Variants in OPCML observed in about 807,000 individuals in gnomAD.
OPCML encodes the protein opioid-binding protein/cell adhesion molecule.
OPCML carries 13 observed loss-of-function variants against 37.8 expected under a neutral mutation model. The observed-to-expected ratio is 0.34, with a 90% CI of 0.22 to 0.55. The LOEUF is 0.55. Among genes scored for constraint, OPCML ranks in the 20% least tolerant of loss-of-function variants. OPCML has a pLI of 0.91. For missense variants in OPCML, 341 were observed against 435.6 expected (o/e 0.78, Z 1.93); for synonymous variants, 176 against 168.8 (o/e 1.04, Z -0.33).
intron 1 of OPCML, chr11:133,418,549 T>G (rs1242915332): frequency 1.3e-6 from 1 of 778,740 alleles, no homozygotes; most frequent in African/African-American, 1.9e-5. Flanking sequence ...CATAGTTGAC[T>G]CTATCTTGCT....
chr11:133,374,368 T>C (rs1282049944), intron 1 of OPCML, among the ~76,000 whole-genome samples: 1 of 152,182 alleles, frequency 6.6e-6, no homozygotes, highest in Non-Finnish European at 1.5e-5. Flanking sequence ...CCAAGAGGCA[T>C]GAGGAAACGT....
intron 3 of OPCML, among the ~76,000 whole-genome samples, chr11:132,579,012 T>C (rs1276936147): frequency 6.6e-6 from 1 of 152,022 alleles, no homozygotes; most frequent in East Asian, 1.9e-4. Flanking sequence ...AGAAATAAAA[T>C]TAGCCATTTA....
At chr11:132,678,598 T>G (rs1223697552) in intron 2 of OPCML, among the ~76,000 whole-genome samples, 3 of 152,192 alleles carry the variant, frequency 2.0e-5, no homozygotes, top group African/African-American at 4.8e-5. Flanking sequence ...GTTGGTAACT[T>G]AAATGCATAT....
chr11:132,461,544 G>T (rs2096101775), intron 4 of OPCML, among the ~76,000 whole-genome samples: 1 of 151,944 alleles, frequency 6.6e-6, no homozygotes, highest in Non-Finnish European at 1.5e-5. Flanking sequence ...TAATACATGG[G>T]TAAACAAAAA....
At chr11:133,142,243 T>C (rs763400731) in intron 1 of OPCML, among the ~76,000 whole-genome samples, 7 of 152,214 alleles carry the variant, frequency 4.6e-5, no homozygotes, top group Non-Finnish European at 1.0e-4. Context: ...GGGTCGCAAC[T>C]CATTAATAAA....
intron 2 of OPCML, among the ~76,000 whole-genome samples, chr11:132,753,837 A>T (rs1323151748): frequency 6.6e-6 from 1 of 152,216 alleles, no homozygotes; most frequent in Non-Finnish European, 1.5e-5. Flanking sequence ...CAATGGGGGA[A>T]AATGATCCTT....
At chr11:133,401,597 C>A (rs183685032) in intron 1 of OPCML, among the ~76,000 whole-genome samples, 4 of 152,042 alleles carry the variant, frequency 2.6e-5, no homozygotes, top group African/African-American at 7.2e-5. Context: ...TAATAATATT[C>A]TTTACATAAG....
At chr11:132,921,512 T>C (rs547552852) in intron 2 of OPCML, among the ~76,000 whole-genome samples, 14 of 152,290 alleles carry the variant, frequency 9.2e-5, no homozygotes, top group Non-Finnish European at 1.6e-4. Context: ...CAACTGCAAT[T>C]TCTCACTAAT....
chr11:132,712,191 G>A (rs1013092696), intron 2 of OPCML, among the ~76,000 whole-genome samples: 1 of 152,148 alleles, frequency 6.6e-6, no homozygotes, highest in Non-Finnish European at 1.5e-5. Flanking sequence ...GTCGGCAATT[G>A]ATTTGGTAGA....
At chr11:132,717,399 A>C (rs1944530991) in intron 2 of OPCML, among the ~76,000 whole-genome samples, 1 of 152,212 alleles carries the variant, frequency 6.6e-6, no homozygotes. Context: ...TGTTTTAAGC[A>C]ATATTTTATA....
At chr11:132,428,636 T>A (rs3781635) in intron 7 of OPCML, among the ~76,000 whole-genome samples, 41,481 of 151,998 alleles carry the variant, frequency 0.27, 5,881 homozygotes, top group Non-Finnish European at 0.3. Flanking sequence ...TATATGGGTT[T>A]GAAAGAAACA....
At chr11:132,900,959 AAGGC>A in intron 2 of OPCML, among the ~76,000 whole-genome samples, 1 of 152,220 alleles carries the variant, frequency 6.6e-6, no homozygotes, top group South Asian at 2.1e-4. Flanking sequence ...TTGGGATGCC[AAGGC>A]AGGCAGGAGT....
chr11:133,449,269 T>C (rs2136954994), intron 1 of OPCML, among the ~76,000 whole-genome samples: 1 of 152,316 alleles, frequency 6.6e-6, no homozygotes, highest in South Asian at 2.1e-4. Flanking sequence ...AGAGTAAATA[T>C]TTTAAGTTTT....
chr11:132,617,420 A>G (rs1793270), intron 3 of OPCML, among the ~76,000 whole-genome samples: 25,898 of 152,186 alleles, frequency 0.17, 3,265 homozygotes, highest in East Asian at 0.65. Context: ...TCTGAGGGAC[A>G]CTTCGAAGTC....
rs1436556827 is a variant in OPCML at position 133,035,415 on chromosome 11, C to A, written c.62-92405G>T. ...TACAGGCACAGGCAGCACCTCCAAG[C>A]TCACTCTGATGAGAGGAAAATGGAC... On this transcript the variant is annotated intron_variant, in intron 1 of 7. Coordinates refer to ENST00000524381, the MANE Select transcript of OPCML (RefSeq NM_001012393.5). Among the ~76,000 whole-genome samples the A allele has an allele frequency of 4.6e-5, 7 of 152,324 alleles. No homozygotes were observed. The South Asian group carries it at 1.4e-3, about 32-fold the overall frequency.
intron 2 of OPCML, among the ~76,000 whole-genome samples, chr11:132,850,988 A>T (rs1941783857): frequency 6.6e-6 from 1 of 152,208 alleles, no homozygotes; most frequent in Non-Finnish European, 1.5e-5. Context: ...GGGGTCTGCG[A>T]ATAGAATTCA....
intron 4 of OPCML, among the ~76,000 whole-genome samples, chr11:132,483,307 C>G (rs1160246969): frequency 1.3e-5 from 2 of 151,060 alleles, no homozygotes; most frequent in South Asian, 2.1e-4. Flanking sequence ...GAGTGAACTC[C>G]CATTCACAAT....
At chr11:133,077,889 A>G (rs1477947650) in intron 1 of OPCML, among the ~76,000 whole-genome samples, 1 of 152,252 alleles carries the variant, frequency 6.6e-6, no homozygotes, top group African/African-American at 2.4e-5. Context: ...GTGGAATACA[A>G]GCACTTCACA....
At chr11:133,285,268 G>A (rs988883556) in intron 1 of OPCML, among the ~76,000 whole-genome samples, 13 of 152,172 alleles carry the variant, frequency 8.5e-5, no homozygotes, top group African/African-American at 2.4e-4. Flanking sequence ...CTCAAGGCAC[G>A]AAGGGTCACA....
Sources: gnomAD v4.1 joint callset for allele counts (sites outside exome capture counted in the v4.1 genomes callset) on GRCh38, gnomAD v4.1.1 for gene constraint, MANE v1.5 for transcripts, NCBI Gene and HGNC (gene_info 2026-07-23, HGNC 2026-07-21) for gene names.